The following AOX1 variants were observed in gnomAD, a reference collection of about 807,000 sequenced individuals.
AOX1 encodes the protein aldehyde oxidase 1.
AOX1 carries 153 observed loss-of-function variants against 169.5 expected under a neutral mutation model. The observed-to-expected ratio is 0.90, with a 90% CI of 0.79 to 1.03. The LOEUF is 1.03. Ranked by LOEUF, AOX1 falls within the 50% of genes least tolerant of loss-of-function variation. The pLI is 0.00. For synonymous variants in AOX1, 562 were observed against 581.9 expected, an observed-to-expected ratio of 0.97 and a Z score of 0.49; for missense variants, 1,656 against 1,663.9, an observed-to-expected ratio of 1.00 and a Z score of 0.08.
At chr2:200,622,034 G>A (rs565307439) in intron 18 of AOX1, among the ~76,000 whole-genome samples, 32 of 152,356 alleles carry the variant, frequency 2.1e-4, no homozygotes, top group African/African-American at 7.5e-4. Flanking sequence ...TTGCAGGCAT[G>A]AGCCACCACG....
At chr2:200,631,980 A>G (rs1009195165) in intron 20 of AOX1, among the ~76,000 whole-genome samples, 8 of 152,034 alleles carry the variant, frequency 5.3e-5, no homozygotes, top group Non-Finnish European at 1.2e-4. Flanking sequence ...CTTTTTTTAA[A>G]CTCAGATTTT....
At chr2:200,642,422 A>G (rs2035369251) in intron 24 of AOX1, among the ~76,000 whole-genome samples, 188 bp from the exon 25 acceptor site, 1 of 151,732 alleles carries the variant, frequency 6.6e-6, no homozygotes, top group Non-Finnish European at 1.5e-5. Context: ...CTCAAAGGAA[A>G]AATTATTCTA....
At chr2:200,671,832 A>G (rs148709385), downstream of AOX1, among the ~76,000 whole-genome samples, 205 of 152,342 alleles carry the variant, frequency 1.3e-3, 1 homozygote, top group African/African-American at 4.7e-3. Flanking sequence ...AAGAGAATTT[A>G]AAACATATAT....
At position 200,665,033 on chromosome 2, in the gene AOX1, GCT is replaced by G. The variant is rs2035900158; in HGVS notation, c.3544-1652_3544-1651del. Among the ~76,000 whole-genome samples, 3 of 152,246 alleles carry G rather than the reference GCT, an allele frequency of 2.0e-5. No individual in the cohort carries two copies. In the South Asian group the frequency reaches 6.2e-4, roughly 32 times the overall value. On this transcript the variant is annotated intron_variant, in intron 31 of 34. Coordinates refer to ENST00000374700, the MANE Select transcript of AOX1 (RefSeq NM_001159.4). ...TCCATCATAGCGTTGTTGACAGGAG[GCT>G]CAGCTTCTCACTGGCTGTTGGCCAG...
chr2:200,635,027 G>T, intron 21 of AOX1, 112 bp downstream of exon 21: 1 of 1,358,770 alleles, frequency 7.4e-7, no homozygotes, highest in Non-Finnish European at 1.0e-6. Context: ...TGGGGGGATT[G>T]CTTGAACCCA....
intron 2 of AOX1, 41 bp from the exon 3 acceptor site, chr2:200,595,231 A>C (rs1268736495): frequency 6.6e-7 from 1 of 1,524,960 alleles, no homozygotes; most frequent in Admixed American, 1.7e-5. Flanking sequence ...CTAGAAAGAG[A>C]ATTACATAAC....
At chr2:200,622,985 C>A (rs2034917513) in intron 18 of AOX1, among the ~76,000 whole-genome samples, 1 of 151,874 alleles carries the variant, frequency 6.6e-6, no homozygotes, top group Admixed American at 6.5e-5. Flanking sequence ...CTACCCCAAA[C>A]AAACACACTT....
At chr2:200,604,591 A>C (rs2034476936) in intron 8 of AOX1, 105 bp from the exon 9 acceptor site, 3 of 1,210,154 alleles carry the variant, frequency 2.5e-6, no homozygotes, top group Non-Finnish European at 3.5e-6. Flanking sequence ...TATTTTTTAG[A>C]AGATATGTAT....
At chr2:200,678,830 A>G (rs918054801), downstream of AOX1, among the ~76,000 whole-genome samples, 2 of 152,124 alleles carry the variant, frequency 1.3e-5, no homozygotes, top group African/African-American at 4.8e-5. Flanking sequence ...TGGCTGGTCA[A>G]ATAATTACCT....
chr2:200,636,784 G>A, intron 21 of AOX1, 127 bp from the exon 22 acceptor site: 2 of 1,078,222 alleles, frequency 1.9e-6, no homozygotes, highest in Non-Finnish European at 2.7e-6. Flanking sequence ...TCTAGTGACT[G>A]TCACAGTCCA....
intron 31 of AOX1, among the ~76,000 whole-genome samples, chr2:200,663,596 T>C (rs55675557): frequency 1.6e-4 from 24 of 148,028 alleles, no homozygotes; most frequent in Non-Finnish European, 2.4e-4. Flanking sequence ...TCTCTCTCTC[T>C]CCCCCTCTTT....
intron 34 of AOX1, 137 bp from the exon 35 acceptor site, chr2:200,670,492 C>A: frequency 8.6e-6 from 6 of 699,586 alleles, no homozygotes; most frequent in Non-Finnish European, 1.3e-5. Flanking sequence ...CTCTATACTT[C>A]ACAGGCTGTT....
chr2:200,656,399 G>A (rs1406070902), intron 26 of AOX1, among the ~76,000 whole-genome samples: 1 of 152,194 alleles, frequency 6.6e-6, no homozygotes, highest in Non-Finnish European at 1.5e-5. Context: ...CTGGATCCTT[G>A]TGGGGAGCTA....
chr2:200,628,401 G>GA (rs34217541), intron 20 of AOX1, among the ~76,000 whole-genome samples: 79,412 of 151,858 alleles, frequency 0.52, 22,289 homozygotes, highest in East Asian at 0.8. Flanking sequence ...CTTTATAGCA[G>GA]AAAAAGAGGT....
chr2:200,627,241 C>A, intron 19 of AOX1, 112 bp from the exon 20 acceptor site: 1 of 708,930 alleles, frequency 1.4e-6, no homozygotes, highest in East Asian at 2.5e-5. Context: ...CACGGAACCA[C>A]AAGGTGAAGG....
downstream of AOX1, among the ~76,000 whole-genome samples, chr2:200,673,800 G>A (rs894898645): frequency 2.6e-5 from 4 of 152,106 alleles, no homozygotes; most frequent in African/African-American, 4.8e-5. Context: ...TCTCTCCAGC[G>A]TTGGCTCATG....
At chr2:200,641,305 C>A in intron 24 of AOX1, 121 bp downstream of exon 24, 2 of 648,978 alleles carry the variant, frequency 3.1e-6, no homozygotes, top group Non-Finnish European at 2.6e-6. Context: ...ACCATCCTTG[C>A]AGGGATAGCC....
Position 200,632,335 on chromosome 2 carries a change from A to G in AOX1, c.2222-2456A>G, listed in dbSNP as rs143051925. ...CATACATATATAAAATAAAATTTAT[A>G]TACATATAAAATATTTACATATATA... is the stretch of plus-strand genomic sequence containing the variant. On this transcript the variant is annotated intron_variant, in intron 20 of 34. Transcript: ENST00000374700. Among the ~76,000 whole-genome samples, 347 of 150,944 alleles carry G rather than the reference A, an allele frequency of 2.3e-3. 2 individuals carry two copies. The highest frequency in any genetic ancestry group is 8.0e-3 in the African/African-American group (331 of 41,418).
At chr2:200,675,035 A>G (rs772307628), downstream of AOX1, among the ~76,000 whole-genome samples, 1 of 152,224 alleles carries the variant, frequency 6.6e-6, no homozygotes, top group African/African-American at 2.4e-5. Context: ...TGAGTGCATG[A>G]CTGTGGAACC....
Sources: gnomAD v4.1 joint callset for allele counts (sites outside exome capture counted in the v4.1 genomes callset) on GRCh38, gnomAD v4.1.1 for gene constraint, MANE v1.5 for transcripts, NCBI Gene and HGNC (gene_info 2026-07-23, HGNC 2026-07-21) for gene names.